Variants in ITSN2 observed in about 807,000 individuals in gnomAD.
The protein encoded by ITSN2 is intersectin 2, also known as intersectin-2.
In ITSN2, 156 loss-of-function variants were observed where a neutral mutation model predicts 243.7. The ratio of observed to expected loss-of-function variants is 0.64; its 90% confidence interval spans 0.56 to 0.73. The LOEUF (loss-of-function observed/expected upper bound fraction) is 0.73. Ranked by LOEUF, ITSN2 falls within the 30% of genes least tolerant of loss-of-function variation. ITSN2 has a pLI of 0.00. For missense variants in ITSN2, 1,801 were observed against 1,996.1 expected, an observed-to-expected ratio of 0.90 and a Z score of 1.86; for synonymous variants, 703 against 699.9, an observed-to-expected ratio of 1.00 and a Z score of -0.07.
At chr2:24,303,670 T>C (rs1682096022) in intron 9 of ITSN2, 129 bp downstream of exon 9, 2 of 665,510 alleles carry the variant, frequency 3.0e-6, no homozygotes, top group Non-Finnish European at 2.7e-6. Flanking sequence ...TTCAAATGGC[T>C]GCTTTTATAG....
intron 22 of ITSN2, among the ~76,000 whole-genome samples, chr2:24,260,506 A>C (rs1440247324): frequency 2.0e-5 from 3 of 151,400 alleles, no homozygotes; most frequent in Non-Finnish European, 2.9e-5. Context: ...TCATCTTCTT[A>C]TTATAATAAC....
chr2:24,292,340 A>G (rs1331194967), intron 15 of ITSN2, among the ~76,000 whole-genome samples: 1 of 152,194 alleles, frequency 6.6e-6, no homozygotes, highest in East Asian at 1.9e-4. Context: ...TGATGACAAT[A>G]ATAAAGATAT....
intron 18 of ITSN2, among the ~76,000 whole-genome samples, chr2:24,272,726 C>T (rs918125927): frequency 2.0e-5 from 3 of 152,154 alleles, no homozygotes; most frequent in Non-Finnish European, 4.4e-5. Flanking sequence ...TGAGCCACTG[C>T]GCCCAGTCTA....
chr2:24,354,917 T>C (rs191133274), intron 1 of ITSN2, among the ~76,000 whole-genome samples: 2 of 152,362 alleles, frequency 1.3e-5, no homozygotes, highest in East Asian at 1.9e-4. Flanking sequence ...AATCATTTAA[T>C]GTCCTGATGT....
rs1312346770 is a variant in ITSN2 at position 24,284,846 on chromosome 2, G to GT, written c.1864-4dup. On this transcript the variant is annotated splice_polypyrimidine_tract_variant and splice_region_variant and intron_variant, in intron 16 of 39. Coordinates refer to ENST00000355123, the MANE Select transcript of ITSN2 (RefSeq NM_006277.3). ...ACAGAGTCATCCATATTCCCACACT[G>GT]TAAGATAAGGCAGATAAAAAGCCAA... The GT allele has an allele frequency of 6.8e-7, 1 of 1,472,368 alleles. No homozygotes were observed. The highest frequency in any genetic ancestry group is 9.4e-7 in the Non-Finnish European group (1 of 1,060,482). The allele number at this position is 1,472,368 out of a possible 1,614,324, so 91.2% of individuals were successfully genotyped here. A position where few individuals can be genotyped will look rare whatever the true frequency, so the allele number is the denominator to read the frequency against.
chr2:24,317,151 C>T (rs1451281793), intron 2 of ITSN2, among the ~76,000 whole-genome samples: 1 of 152,112 alleles, frequency 6.6e-6, no homozygotes, highest in Non-Finnish European at 1.5e-5. Flanking sequence ...GAGGCCGAGG[C>T]GGGCGGATCA....
At chr2:24,326,447 G>A (rs1219650675) in intron 2 of ITSN2, among the ~76,000 whole-genome samples, 2 of 152,184 alleles carry the variant, frequency 1.3e-5, no homozygotes, top group African/African-American at 4.8e-5. Flanking sequence ...CATGTTGGCT[G>A]AAGTTTACAA....
intron 8 of ITSN2, among the ~76,000 whole-genome samples, chr2:24,306,475 C>T (rs1682549847): frequency 6.6e-6 from 1 of 152,166 alleles, no homozygotes; most frequent in Non-Finnish European, 1.5e-5. Context: ...TCCTTTTGGG[C>T]TGCTTTCATT....
At chr2:24,292,742 C>T (rs2384006) in intron 15 of ITSN2, among the ~76,000 whole-genome samples, 149,167 of 152,322 alleles carry the variant, frequency 0.98, 73,039 homozygotes, top group East Asian at 0.99. Context: ...GCATCCAGTG[C>T]TTTATAGGTG....
At chr2:24,305,027 T>TC (rs1682308757) in intron 8 of ITSN2, among the ~76,000 whole-genome samples, 1 of 152,232 alleles carries the variant, frequency 6.6e-6, no homozygotes, top group South Asian at 2.1e-4. Flanking sequence ...TCTCTTTTCT[T>TC]CTGTGAAACA....
Position 24,208,025 on chromosome 2 carries a change from G to A in ITSN2, c.4678+212C>T, listed in dbSNP as rs111298418. 7.2e-5 allele frequency among the ~76,000 whole-genome samples: 11 copies of A among 152,034 alleles called. No individual in the cohort carries two copies. The South Asian group carries it at 8.3e-4, about 11-fold the overall frequency. Reference sequence around the variant, plus strand: ...GAGGTGGTGCAGAGAGGGAGGTCCCGGAGCTGGCACTGCCAGCCCGTGTCT... The same window carrying A: ...GAGGTGGTGCAGAGAGGGAGGTCCCAGAGCTGGCACTGCCAGCCCGTGTCT... On this transcript the variant is annotated intron_variant, in intron 37 of 39. Coordinates refer to ENST00000355123, the MANE Select transcript of ITSN2 (RefSeq NM_006277.3).
chr2:24,304,759 A>T (rs1372018743), intron 8 of ITSN2, among the ~76,000 whole-genome samples: 1 of 152,184 alleles, frequency 6.6e-6, no homozygotes, highest in East Asian at 1.9e-4. Flanking sequence ...CAATAGAGCA[A>T]ACAGAAGAGA....
intron 38 of ITSN2, 76 bp downstream of exon 38, chr2:24,205,138 C>T (rs919311602): frequency 4.3e-5 from 52 of 1,220,976 alleles, no homozygotes; most frequent in Non-Finnish European, 5.9e-5. Context: ...TACACTGAGA[C>T]TCTGTCTCAA....
chr2:24,220,250 G>C (rs913976428), intron 30 of ITSN2: 1 of 867,878 alleles, frequency 1.2e-6, no homozygotes, highest in Non-Finnish European at 1.4e-6. Context: ...CAGGTGGTTT[G>C]TTAATGTAAC....
chr2:24,262,630 C>T (rs1173888477), intron 20 of ITSN2, among the ~76,000 whole-genome samples: 2 of 152,124 alleles, frequency 1.3e-5, no homozygotes, highest in African/African-American at 4.8e-5. Flanking sequence ...CATTCTATAC[C>T]CTTCCTGAAT....
chr2:24,215,843 A>G (rs74470633), intron 32 of ITSN2, among the ~76,000 whole-genome samples: 27,824 of 152,054 alleles, frequency 0.18, 3,135 homozygotes, highest in Non-Finnish European at 0.26. Flanking sequence ...AGATGGGGAA[A>G]AAATGATGGT....
At chr2:24,337,464 C>T (rs558117057) in intron 1 of ITSN2, among the ~76,000 whole-genome samples, 1 of 148,310 alleles carries the variant, frequency 6.7e-6, no homozygotes, top group South Asian at 2.1e-4. Context: ...GATTCTCCTG[C>T]CTCAGCCTCC....
At position 24,310,516 on chromosome 2, in the gene ITSN2, G is replaced by T; in HGVS notation, c.529C>A (p.Pro177Thr). 1 of 1,614,120 alleles carries T rather than the reference G, an allele frequency of 6.2e-7. No homozygotes were observed. ...GAAGAAGAATAAGGAATGGGTAAAG[G>T]CTGAATGAGACTGGCGGTTCCATTT... ...LPNGTASLIQ[P>T]LPIPYSSSTL... Residue 177 changes from proline (P) to threonine (T), a missense_variant, in exon 6 of 40, where the codon CCT becomes ACT. This residue lies in a region of ITSN2 where 787 missense variants were observed against 803.9 expected (regional missense o/e 0.98). Transcript: ENST00000355123.
chr2:24,310,975 T>G (rs1038268371), intron 5 of ITSN2, among the ~76,000 whole-genome samples: 1 of 152,142 alleles, frequency 6.6e-6, no homozygotes, highest in Non-Finnish European at 1.5e-5. Context: ...CAATTGAATA[T>G]GAGTCTCCTC....
Sources: gnomAD v4.1 joint callset for allele counts (sites outside exome capture counted in the v4.1 genomes callset) on GRCh38, gnomAD v4.1.1 for gene constraint, gnomAD v4.1.1 regional missense constraint, MANE v1.5 for transcripts, NCBI Gene and HGNC (gene_info 2026-07-23, HGNC 2026-07-21) for gene names.